Variants in OXR1 observed in about 807,000 individuals in gnomAD.
The protein encoded by OXR1 is oxidation resistance protein 1.
A neutral mutation model predicts 104.6 loss-of-function variants in OXR1; 41 were observed. The ratio of observed to expected loss-of-function variants is 0.39; its 90% CI spans 0.31 to 0.51. The LOEUF is 0.51. OXR1 is among the 20% of genes least tolerant of loss of function. OXR1 has a pLI of 0.77. For synonymous variants in OXR1, 348 were observed against 348.4 expected (o/e 1.00, Z 0.01); for missense variants, 955 against 1,031.9 (o/e 0.93, Z 1.02).
At chr8:106,531,891 T>C (rs537495274) in intron 3 of OXR1, among the ~76,000 whole-genome samples, 1 of 152,162 alleles carries the variant, frequency 6.6e-6, no homozygotes, top group Non-Finnish European at 1.5e-5. Context: ...GGAATGGGGA[T>C]AGCCAAAAAG....
intron 6 of OXR1, 21 bp from the exon 7 acceptor site, chr8:106,692,707 T>C: frequency 7.1e-7 from 1 of 1,416,918 alleles, no homozygotes; most frequent in Non-Finnish European, 9.4e-7. Flanking sequence ...TTTTTTTCTT[T>C]CCTTTAAAAA....
intron 2 of OXR1, among the ~76,000 whole-genome samples, chr8:106,382,025 G>A (rs988067497): frequency 6.6e-6 from 1 of 152,010 alleles, no homozygotes; most frequent in Non-Finnish European, 1.5e-5. Flanking sequence ...TTGTTTCTGT[G>A]GTTTATATAT....
rs1031650810 is a variant in OXR1 at position 106,751,831 on chromosome 8, C to A, written c.*890C>A. On this transcript the variant is annotated 3_prime_UTR_variant, in exon 17 of 17. Coordinates refer to ENST00000517566, the MANE Select transcript of OXR1 (RefSeq NM_001198533.2). ...TTGGTTGTTTTAGCCTTATTGCACA[C>A]CAACTCCCAAAATATAGGTTACTCT... 5 of 152,360 alleles carry A rather than the reference C, an allele frequency of 3.3e-5. No homozygotes were observed. The highest frequency in any genetic ancestry group is 1.2e-4 in the African/African-American group (5 of 41,476). 9.4% of individuals were successfully genotyped at this position (152,360 alleles called of 1,614,324 possible).
intron 3 of OXR1, among the ~76,000 whole-genome samples, chr8:106,594,728 C>G (rs1306044521): frequency 6.6e-6 from 1 of 152,176 alleles, no homozygotes; most frequent in Non-Finnish European, 1.5e-5. Context: ...TGAACTGATT[C>G]ATATTGCTGC....
intron 1 of OXR1, among the ~76,000 whole-genome samples, chr8:106,286,642 C>T (rs1202699411): frequency 6.6e-6 from 1 of 151,992 alleles, no homozygotes; most frequent in Non-Finnish European, 1.5e-5. Flanking sequence ...TAGTTTTTCT[C>T]ATATACAGAA....
At chr8:106,339,291 A>G (rs970271667) in intron 1 of OXR1, among the ~76,000 whole-genome samples, 2 of 151,136 alleles carry the variant, frequency 1.3e-5, no homozygotes, top group Non-Finnish European at 3.0e-5. Context: ...GTCAGGAGAT[A>G]GAGACCATCC....
chr8:106,458,579 C>G (rs1176899282), intron 2 of OXR1, among the ~76,000 whole-genome samples: 1 of 152,104 alleles, frequency 6.6e-6, no homozygotes. Context: ...AGTGGGGCCA[C>G]TTCCAAGATC....
At position 106,525,599 on chromosome 8, in the gene OXR1, C is replaced by A. The variant is rs1813604005; in HGVS notation, c.220+6460C>A. ...ACTTATGCCACCTAAATGCTCTCTGCAACTTCGTAGAAAAGCCAGAAAAGC... is the reference window on the plus strand; with the variant it reads ...ACTTATGCCACCTAAATGCTCTCTGAAACTTCGTAGAAAAGCCAGAAAAGC... On this transcript the variant is annotated intron_variant, in intron 3 of 16. Coordinates refer to ENST00000517566, the MANE Select transcript of OXR1 (RefSeq NM_001198533.2). Among the ~76,000 whole-genome samples the A allele has an allele frequency of 2.0e-5, 3 of 152,310 alleles. No individual in the cohort carries two copies. The South Asian group carries it at 6.2e-4, about 32-fold the overall frequency.
chr8:106,375,535 A>G (rs1816872345), intron 2 of OXR1, among the ~76,000 whole-genome samples: 1 of 152,210 alleles, frequency 6.6e-6, no homozygotes, highest in South Asian at 2.1e-4. Context: ...TATAGTTATC[A>G]TCAGAACATA....
chr8:106,701,224 G>C (rs1830559642), intron 7 of OXR1, among the ~76,000 whole-genome samples: 1 of 152,098 alleles, frequency 6.6e-6, no homozygotes, highest in South Asian at 2.1e-4. Context: ...GTGCTATTCA[G>C]AGTTTCATAT....
At chr8:106,422,419 G>A (rs1335217023) in intron 2 of OXR1, among the ~76,000 whole-genome samples, 1 of 152,032 alleles carries the variant, frequency 6.6e-6, no homozygotes, top group Admixed American at 6.6e-5. Context: ...CTATTTTTGA[G>A]ATAATATAAA....
chr8:106,541,600 C>T (rs1814955417), intron 3 of OXR1, among the ~76,000 whole-genome samples: 1 of 152,136 alleles, frequency 6.6e-6, no homozygotes, highest in Non-Finnish European at 1.5e-5. Flanking sequence ...AGTTTGATCC[C>T]AAACCAAACC....
chr8:106,405,178 ATATATATATATATATATATATATAGT>A (rs1367693102), intron 2 of OXR1, among the ~76,000 whole-genome samples: 72 of 27,160 alleles, frequency 2.7e-3, no homozygotes, highest in South Asian at 7.9e-3. Context: ...ATATATATAT[ATATATATATATATATATATATATAGT>A]GTGTGTGTGT....
At chr8:106,561,717 C>T (rs1002437214) in intron 3 of OXR1, among the ~76,000 whole-genome samples, 3 of 152,188 alleles carry the variant, frequency 2.0e-5, no homozygotes, top group Non-Finnish European at 2.9e-5. Flanking sequence ...GACACCTCAT[C>T]CAGGAGAGCT....
intron 2 of OXR1, among the ~76,000 whole-genome samples, chr8:106,478,095 C>T (rs1182871696): frequency 6.6e-6 from 1 of 151,868 alleles, no homozygotes; most frequent in African/African-American, 2.4e-5. Flanking sequence ...TCATCGGTGA[C>T]ACTGACCTTA....
Position 106,706,530 on chromosome 8 carries a change from G to A in OXR1, c.1009G>A (p.Asp337Asn). The change falls in exon 9 of 17, where the codon GAT (aspartate) becomes AAT (asparagine). Residue 337 changes from aspartate to asparagine, a missense_variant. Around this residue, in one of 2 missense-constraint regions of OXR1, gnomAD observed 849 missense variants for 852.9 expected, o/e 1.00. Transcript: ENST00000517566. Reference protein sequence around the residue: ...PRSTEESLSEDVFTESELSPI... With the variant: ...PRSTEESLSENVFTESELSPI... ...GAGCACTGAGGAGTCTCTTTCTGAA[G>A]ATGTGTTCACAGAATCAGAACTTTC... 1 of 1,607,224 alleles carries A rather than the reference G, an allele frequency of 6.2e-7. No homozygotes were observed. The highest frequency in any genetic ancestry group is 1.1e-5 in the South Asian group (1 of 89,496).
At chr8:106,347,193 T>C (rs1815528945) in intron 1 of OXR1, among the ~76,000 whole-genome samples, 1 of 152,260 alleles carries the variant, frequency 6.6e-6, no homozygotes, top group Non-Finnish European at 1.5e-5. Context: ...AGCCAATTGA[T>C]TTTTATCACG....
At chr8:106,381,672 C>G (rs1035852371) in intron 2 of OXR1, among the ~76,000 whole-genome samples, 1 of 152,150 alleles carries the variant, frequency 6.6e-6, no homozygotes, top group Non-Finnish European at 1.5e-5. Context: ...TAAATTCCCT[C>G]TTCTAATATA....
At position 106,472,102 on chromosome 8, in the gene OXR1, C is replaced by T. The variant is rs373867975; in HGVS notation, c.24-46841C>T. On this transcript the variant is annotated intron_variant, in intron 2 of 16. Transcript: ENST00000517566. ...ATCCCCTAATCTGTGTCAGTCTTTC[C>T]TTATCATCCATGACGTTCCCATTTT... is the stretch of plus-strand genomic sequence containing the variant. Among the ~76,000 whole-genome samples the T allele has an allele frequency of 9.9e-5, 15 of 151,694 alleles. No homozygotes were observed. In the South Asian group the frequency reaches 3.1e-3, roughly 32 times the overall value.
Sources: gnomAD v4.1 joint callset for allele counts (sites outside exome capture counted in the v4.1 genomes callset) on GRCh38, gnomAD v4.1.1 for gene constraint, gnomAD v4.1.1 regional missense constraint, MANE v1.5 for transcripts, NCBI Gene and HGNC (gene_info 2026-07-23, HGNC 2026-07-21) for gene names.